The following PDE9A variants were observed in gnomAD, a reference collection of about 807,000 sequenced individuals.
PDE9A encodes phosphodiesterase 9A.
PDE9A carries 60 observed loss-of-function variants against 87.4 expected under a neutral mutation model. The ratio of observed to expected loss-of-function variants is 0.69; its 90% CI spans 0.56 to 0.85. The LOEUF is 0.85. Among genes scored for constraint, PDE9A ranks in the 40% least tolerant of loss-of-function variants. The probability of loss-of-function intolerance (pLI) is 0.00; values close to 1 mark genes in which losing one functional copy is unlikely to be tolerated. For synonymous variants in PDE9A, 272 were observed against 279.4 expected (o/e 0.97, Z 0.27); for missense variants, 665 against 779.0 (o/e 0.85, Z 1.74).
At chr21:42,719,285 G>A (rs1035686094) in intron 4 of PDE9A, among the ~76,000 whole-genome samples, 1 of 151,656 alleles carries the variant, frequency 6.6e-6, no homozygotes, top group Non-Finnish European at 1.5e-5. Context: ...GGAACTTTCT[G>A]CTTAAGTTTT....
At chr21:42,655,167 C>T (rs115711179) in intron 1 of PDE9A, among the ~76,000 whole-genome samples, 8,156 of 150,316 alleles carry the variant, frequency 0.054, 652 homozygotes, top group African/African-American at 0.18. Context: ...CACGCACACA[C>T]GTGCATACAC....
At chr21:42,728,602 A>T (rs1364421395) in intron 4 of PDE9A, among the ~76,000 whole-genome samples, 2 of 152,112 alleles carry the variant, frequency 1.3e-5, no homozygotes, top group Admixed American at 6.5e-5. Context: ...TTGCTATTTC[A>T]TTAGTGATTT....
rs191346969 is a variant in PDE9A at position 42,756,237 on chromosome 21, T to C, written c.810+2173T>C. Among the ~76,000 whole-genome samples, 55 of 152,286 alleles carry C rather than the reference T, an allele frequency of 3.6e-4. 1 individual carries two copies. The East Asian group carries it at 9.1e-3, about 25-fold the overall frequency. On this transcript the variant is annotated intron_variant, in intron 10 of 19. Coordinates refer to ENST00000291539, the MANE Select transcript of PDE9A (RefSeq NM_002606.3). ...CTGCCTGTGTGTGAGAATGCAGAGA[T>C]GCCCAAGACAGGAGCCTTGGCCTCT...
chr21:42,655,442 C>G (rs1468280735), intron 1 of PDE9A, among the ~76,000 whole-genome samples: 6 of 152,100 alleles, frequency 3.9e-5, no homozygotes, highest in African/African-American at 1.4e-4. Context: ...GCAGGCCAGG[C>G]TGTTATTGTG....
In PDE9A at chr21:42,705,327, C is replaced by G. The variant is rs1195279888; in HGVS notation, c.262+6316C>G. ...CTGATTTTTTGGAAAATCCTTGAGC[C>G]TCAATCACTTTTATTTGATGTAAGC... On this transcript the variant is annotated intron_variant, in intron 4 of 19. Transcript: ENST00000291539. The surrounding 1 kb of genome is among the most constrained non-coding windows in gnomAD (Gnocchi z 4.3). Among the ~76,000 whole-genome samples, 3 of 152,172 alleles carry G rather than the reference C, an allele frequency of 2.0e-5. No individual in the cohort carries two copies. Among genetic ancestry groups the G allele is most frequent in the Non-Finnish European group, 1.5e-5 (1 of 68,038 alleles).
At chr21:42,711,407 C>A (rs775084582) in intron 4 of PDE9A, among the ~76,000 whole-genome samples, 1 of 151,894 alleles carries the variant, frequency 6.6e-6, no homozygotes, top group Non-Finnish European at 1.5e-5. Flanking sequence ...TTTGCCACCA[C>A]GCCTGGCTAA....
At chr21:42,737,631 T>G (rs905774662) in intron 7 of PDE9A, among the ~76,000 whole-genome samples, 1 of 152,186 alleles carries the variant, frequency 6.6e-6, no homozygotes, top group Non-Finnish European at 1.5e-5. Flanking sequence ...CTAATTTTTG[T>G]ATTTTTAGTA....
intron 4 of PDE9A, among the ~76,000 whole-genome samples, chr21:42,725,597 C>T (rs570495336): frequency 5.3e-5 from 8 of 152,172 alleles, no homozygotes; most frequent in Non-Finnish European, 8.8e-5. Context: ...TGTAATCATG[C>T]AGTAGGTGAC....
chr21:42,675,530 G>A lies in PDE9A; in HGVS notation c.70-10662G>A, dbSNP rs1330165622. Among the ~76,000 whole-genome samples the A allele has an allele frequency of 1.3e-5, 2 of 152,218 alleles. No individual in the cohort carries two copies. The highest frequency in any genetic ancestry group is 1.3e-4 in the Admixed American group (2 of 15,278). On this transcript the variant is annotated intron_variant, in intron 1 of 19. Coordinates refer to ENST00000291539, the MANE Select transcript of PDE9A (RefSeq NM_002606.3). This position sits in a 1 kb window ranked among gnomAD's most constrained non-coding sequence, Gnocchi z 4.3. ...GTCCCTAAGAGCCATTCCTGGAAAT[G>A]AGACTGTGAGTCAAAGGGCACAAAT...
intron 6 of PDE9A, among the ~76,000 whole-genome samples, chr21:42,732,747 T>A (rs1347505031): frequency 6.6e-6 from 1 of 152,158 alleles, no homozygotes; most frequent in Non-Finnish European, 1.5e-5. Flanking sequence ...AAACCCCGTC[T>A]CTACGAAAAA....
At chr21:42,767,286 C>T (rs2147166250) in intron 15 of PDE9A, among the ~76,000 whole-genome samples, 1 of 152,220 alleles carries the variant, frequency 6.6e-6, no homozygotes, top group South Asian at 2.1e-4. Flanking sequence ...CTTGACCTTC[C>T]CCAGAGACAC....
At chr21:42,762,696 A>AT (rs1001553346) in intron 14 of PDE9A, among the ~76,000 whole-genome samples, 22 of 150,466 alleles carry the variant, frequency 1.5e-4, no homozygotes, top group Admixed American at 9.3e-4. Context: ...CCTTTTATTT[A>AT]TTTTTTTTTC....
chr21:42,727,752 T>G (rs552494123), intron 4 of PDE9A, among the ~76,000 whole-genome samples: 1 of 152,270 alleles, frequency 6.6e-6, no homozygotes, highest in East Asian at 1.9e-4. Context: ...CGCTTCTTAG[T>G]TCTAGGAGGG....
chr21:42,764,187 C>T (rs565284265), intron 14 of PDE9A, among the ~76,000 whole-genome samples: 2 of 152,334 alleles, frequency 1.3e-5, no homozygotes, highest in South Asian at 2.1e-4. Flanking sequence ...TGACATACGG[C>T]GGCAGCGCTC....
At chr21:42,762,261 C>T (rs1458643871) in intron 14 of PDE9A, 22 bp downstream of exon 14, 1 of 1,609,976 alleles carries the variant, frequency 6.2e-7, no homozygotes. Flanking sequence ...GAGGGCCCTC[C>T]CACCGGAGTG....
At chr21:42,744,210 AG>A (rs1054414890) in intron 8 of PDE9A, among the ~76,000 whole-genome samples, 5 of 152,140 alleles carry the variant, frequency 3.3e-5, no homozygotes, top group Non-Finnish European at 5.9e-5. Context: ...AACGGTAGCC[AG>A]GCATGGTGGC....
chr21:42,728,787 G>T (rs2051407358), intron 4 of PDE9A, among the ~76,000 whole-genome samples: 1 of 152,020 alleles, frequency 6.6e-6, no homozygotes, highest in Non-Finnish European at 1.5e-5. Context: ...ATCACTTGAG[G>T]CCAGGAGTTC....
At chr21:42,765,141 AGATG>A (rs2056267984) in intron 14 of PDE9A, among the ~76,000 whole-genome samples, 1 of 149,864 alleles carries the variant, frequency 6.7e-6, no homozygotes, top group East Asian at 2.0e-4. Flanking sequence ...ATGGAAGGGC[AGATG>A]GATGGGTGGA....
At position 42,760,760 on chromosome 21, in the gene PDE9A, CCCCT is replaced by C; in HGVS notation, c.1003-63_1003-60del. 1 of 885,828 alleles carries C rather than the reference CCCCT, an allele frequency of 1.1e-6. No individual in the cohort carries two copies. The highest frequency in any genetic ancestry group is 1.9e-6 in the Non-Finnish European group (1 of 520,570). 54.9% of individuals were successfully genotyped at this position (885,828 alleles called of 1,614,324 possible). On this transcript the variant is annotated intron_variant, in intron 12 of 19. Transcript: ENST00000291539. The surrounding 1 kb of genome is among the most constrained non-coding windows in gnomAD (Gnocchi z 5.2). Reference sequence around the variant, plus strand: ...GCTTACCACTCACCCAATTCCACCCCCCCTCACCCCATCCCACCCTCCGAGTGAA... The same window carrying C: ...GCTTACCACTCACCCAATTCCACCCCCACCCCATCCCACCCTCCGAGTGAA...
Sources: gnomAD v4.1 joint callset for allele counts (sites outside exome capture counted in the v4.1 genomes callset) on GRCh38, gnomAD v4.1.1 for gene constraint, Gnocchi (gnomAD v3.1) non-coding constraint, MANE v1.5 for transcripts, NCBI Gene and HGNC (gene_info 2026-07-23, HGNC 2026-07-21) for gene names.